The following GRM7 variants were observed in gnomAD, a reference collection of about 807,000 sequenced individuals.
The protein encoded by GRM7 is metabotropic glutamate receptor 7.
In GRM7, 35 loss-of-function variants were observed where a neutral mutation model predicts 84.5. That is an observed-to-expected ratio of 0.41 (90% CI 0.32 to 0.55). The LOEUF (loss-of-function observed/expected upper bound fraction) is 0.55. Among genes scored for constraint, GRM7 ranks in the 20% least tolerant of loss-of-function variants. The pLI is 0.19. For synonymous variants in GRM7, 487 were observed against 455.1 expected, an observed-to-expected ratio of 1.07 and a Z score of -0.89; for missense variants, 1,003 against 1,194.6, an observed-to-expected ratio of 0.84 and a Z score of 2.36.
intron 8 of GRM7, among the ~76,000 whole-genome samples, chr3:7,643,586 G>C (rs947269903): frequency 6.6e-6 from 1 of 152,188 alleles, no homozygotes; most frequent in Non-Finnish European, 1.5e-5. Flanking sequence ...CTGGCCAACA[G>C]GTTAGGGACT....
At chr3:7,731,824 C>T (rs1437608364) in intron 9 of GRM7, among the ~76,000 whole-genome samples, 4 of 152,186 alleles carry the variant, frequency 2.6e-5, no homozygotes, top group Admixed American at 1.3e-4. Flanking sequence ...CCAGCGCCCC[C>T]ACTCTTGTGG....
At position 7,157,909 on chromosome 3, in the gene GRM7, C is replaced by T. The variant is rs1010058252; in HGVS notation, c.736+11241C>T. ...CTGAAGCCCAGGAGAGCCAGGACTCCTTAAGAAGGAAAATGACAGGGGCTC... is the reference window on the plus strand; with the variant it reads ...CTGAAGCCCAGGAGAGCCAGGACTCTTTAAGAAGGAAAATGACAGGGGCTC... On this transcript the variant is annotated intron_variant, in intron 2 of 9. Coordinates refer to ENST00000357716, the MANE Select transcript of GRM7 (RefSeq NM_000844.4). 1.2e-4 allele frequency among the ~76,000 whole-genome samples: 19 copies of T among 152,082 alleles called. No homozygotes were observed. In the South Asian group the frequency reaches 3.3e-3, roughly 27 times the overall value.
At chr3:7,627,335 CTCTA>C (rs1697659676) in intron 8 of GRM7, among the ~76,000 whole-genome samples, 1 of 152,164 alleles carries the variant, frequency 6.6e-6, no homozygotes, top group Non-Finnish European at 1.5e-5. Flanking sequence ...CAAATTAGCA[CTCTA>C]TCTTTCTGCA....
intron 1 of GRM7, among the ~76,000 whole-genome samples, chr3:7,067,027 T>C (rs931035528): frequency 6.6e-6 from 1 of 151,866 alleles, no homozygotes; most frequent in African/African-American, 2.4e-5. Context: ...TACTTTAATA[T>C]AATAAAAGCC....
At position 7,028,500 on chromosome 3, in the gene GRM7, A is replaced by G. The variant is rs1696063159; in HGVS notation, c.520-117952A>G. Among the ~76,000 whole-genome samples, 2 of 152,230 alleles carry G rather than the reference A, an allele frequency of 1.3e-5. 1 individual carries two copies. The highest frequency in any genetic ancestry group is 4.1e-4 in the South Asian group (2 of 4,830). The stretch of plus-strand genomic sequence containing the variant: ...GCTCAAAAACAGGAAGTCTGAACTC[A>G]CTTCTAGCTAAGACAGAGTACCAGA... On this transcript the variant is annotated intron_variant, in intron 1 of 9. Transcript: ENST00000357716.
At chr3:7,565,141 CA>C (rs1694200322) in intron 7 of GRM7, among the ~76,000 whole-genome samples, 2 of 152,158 alleles carry the variant, frequency 1.3e-5, no homozygotes, top group Admixed American at 1.3e-4. Context: ...ATGAGACTCA[CA>C]AAAGTAATTA....
At chr3:7,626,541 A>G (rs1170578305) in intron 8 of GRM7, among the ~76,000 whole-genome samples, 1 of 152,144 alleles carries the variant, frequency 6.6e-6, no homozygotes, top group Non-Finnish European at 1.5e-5. Flanking sequence ...TCCTTCTGAG[A>G]GCTGTGAAAA....
At chr3:7,646,241 G>C (rs955681200) in intron 8 of GRM7, among the ~76,000 whole-genome samples, 1 of 152,106 alleles carries the variant, frequency 6.6e-6, no homozygotes, top group Non-Finnish European at 1.5e-5. Context: ...GCCCAGGCTG[G>C]AGTAAAGTGG....
intron 2 of GRM7, among the ~76,000 whole-genome samples, chr3:7,233,017 T>C (rs1559516745): frequency 6.6e-6 from 1 of 152,150 alleles, no homozygotes; most frequent in Non-Finnish European, 1.5e-5. Context: ...TGCATGACCA[T>C]ATGAAGAGTG....
intron 7 of GRM7, among the ~76,000 whole-genome samples, chr3:7,479,666 C>T (rs1464512313): frequency 6.6e-6 from 1 of 152,198 alleles, no homozygotes; most frequent in Non-Finnish European, 1.5e-5. Flanking sequence ...TTAGGTCGCT[C>T]TCACAGCTCA....
chr3:7,110,468 G>C (rs1692806120), intron 1 of GRM7, among the ~76,000 whole-genome samples: 1 of 151,840 alleles, frequency 6.6e-6, no homozygotes, highest in Non-Finnish European at 1.5e-5. Context: ...AGGTGTGATG[G>C]CTAGTAATCC....
intron 2 of GRM7, among the ~76,000 whole-genome samples, chr3:7,272,958 T>A (rs561477736): frequency 6.6e-6 from 1 of 152,116 alleles, no homozygotes; most frequent in African/African-American, 2.4e-5. Flanking sequence ...TTTAGATTTT[T>A]ATTTTTTTAA....
At chr3:7,261,378 T>G (rs1698416277) in intron 2 of GRM7, among the ~76,000 whole-genome samples, 1 of 152,202 alleles carries the variant, frequency 6.6e-6, no homozygotes, top group South Asian at 2.1e-4. Context: ...GAGAGTGGTT[T>G]GTTTAAAGTC....
intron 1 of GRM7, among the ~76,000 whole-genome samples, chr3:6,991,320 T>C (rs546457): frequency 0.99 from 151,445 of 152,310 alleles, 75,296 homozygotes; most frequent in African/African-American, 1. Context: ...AACTTCTTTC[T>C]CCACCCTTTC....
chr3:7,229,884 G>A (rs1324102863), intron 2 of GRM7, among the ~76,000 whole-genome samples: 1 of 123,026 alleles, frequency 8.1e-6, no homozygotes, highest in Non-Finnish European at 1.6e-5. Context: ...CTGTTGCCCA[G>A]GATGGAGTGC....
intron 7 of GRM7, among the ~76,000 whole-genome samples, chr3:7,481,557 C>T (rs1245765425): frequency 6.6e-6 from 1 of 152,124 alleles, no homozygotes. Flanking sequence ...CCTCTCTGGG[C>T]CTCAGTTTCC....
At chr3:7,131,723 C>T (rs1574943427) in intron 1 of GRM7, among the ~76,000 whole-genome samples, 1 of 152,050 alleles carries the variant, frequency 6.6e-6, no homozygotes, top group African/African-American at 2.4e-5. Flanking sequence ...GTGATCCACC[C>T]GTCTCGGCCT....
intron 9 of GRM7, chr3:7,680,976 G>A (rs1700344200): frequency 6.6e-6 from 1 of 152,312 alleles, no homozygotes; most frequent in Non-Finnish European, 1.5e-5. Context: ...AAAACTCTAG[G>A]AGCCTTTAGT....
chr3:7,308,760 A>T (rs1053546004), intron 4 of GRM7, among the ~76,000 whole-genome samples: 2 of 152,152 alleles, frequency 1.3e-5, no homozygotes, highest in African/African-American at 4.8e-5. Context: ...CAGGGCTTCA[A>T]CTGAGGTCCT....
Sources: gnomAD v4.1 joint callset for allele counts (sites outside exome capture counted in the v4.1 genomes callset) on GRCh38, gnomAD v4.1.1 for gene constraint, MANE v1.5 for transcripts, NCBI Gene and HGNC (gene_info 2026-07-23, HGNC 2026-07-21) for gene names.